Variants in OSBPL5 observed in about 807,000 individuals in gnomAD.
The protein encoded by OSBPL5 is oxysterol binding protein like 5.
OSBPL5 carries 71 observed loss-of-function variants against 111.2 expected under a neutral mutation model. That is an observed-to-expected ratio of 0.64 (90% confidence interval 0.53 to 0.78). The LOEUF (loss-of-function observed/expected upper bound fraction) is 0.78. Among genes scored for constraint, OSBPL5 ranks in the 30% least tolerant of loss-of-function variants. The probability of loss-of-function intolerance (pLI) is 0.00; values close to 1 mark genes in which losing one functional copy is unlikely to be tolerated. For synonymous variants in OSBPL5, 549 were observed against 513.9 expected, an observed-to-expected ratio of 1.07 and a Z score of -0.93; for missense variants, 1,210 against 1,189.3, an observed-to-expected ratio of 1.02 and a Z score of -0.26.
rs1351104317 is a variant in OSBPL5 at position 3,107,516 on chromosome 11, G to A, written c.867-61C>T. On this transcript the variant is annotated intron_variant, in intron 8 of 21. Coordinates refer to ENST00000263650, the MANE Select transcript of OSBPL5 (RefSeq NM_020896.4). The surrounding 1 kb of genome is among the most constrained non-coding windows in gnomAD (Gnocchi z 6.1). Reference sequence around the variant, plus strand: ...AGGTGAGAGCCCAGCACAGCCCTCTGGGCTGCCCACCCCTCGCTGCTCCGC... The same window carrying A: ...AGGTGAGAGCCCAGCACAGCCCTCTAGGCTGCCCACCCCTCGCTGCTCCGC... 10 of 1,575,482 alleles carry A rather than the reference G, an allele frequency of 6.3e-6. No individual in the cohort carries two copies. The African/African-American group carries it at 1.2e-4, about 19-fold the overall frequency.
At chr11:3,112,478 CTTTTTT>C (rs559601032) in intron 7 of OSBPL5, among the ~76,000 whole-genome samples, 1 of 108,776 alleles carries the variant, frequency 9.2e-6, no homozygotes, top group African/African-American at 3.2e-5. Flanking sequence ...GTTTTCTTTT[CTTTTTT>C]TTTTTTTTTT....
chr11:3,095,081 T>C (rs1857208194), intron 14 of OSBPL5, among the ~76,000 whole-genome samples: 1 of 151,930 alleles, frequency 6.6e-6, no homozygotes, highest in Non-Finnish European at 1.5e-5. Flanking sequence ...AACAAAGGCT[T>C]GAAACACCCC....
chr11:3,102,058 G>A (rs1590646721), intron 12 of OSBPL5, 125 bp downstream of exon 12: 1 of 932,580 alleles, frequency 1.1e-6, no homozygotes, highest in East Asian at 2.6e-5. Context: ...TGCAGGATGT[G>A]GGGTCCCCTG....
At position 3,100,178 on chromosome 11, in the gene OSBPL5, A is replaced by G; in HGVS notation, c.1601T>C (p.Met534Thr). The change falls in exon 14 of 22, where the codon ATG becomes ACG. Residue 534 changes from methionine to threonine, a missense_variant. Transcript: ENST00000263650. ...LNRAEDYTLT[M>T]PYAHCKGILY... ...CTCACCTTTGCAGTGGGCGTAGGGC[A>G]TGGTAAGGGTGTAATCCTCGGCTCG... 6.2e-7 allele frequency: 1 copy of G among 1,614,138 alleles called. No individual in the cohort carries two copies. Among genetic ancestry groups the G allele is most frequent in the Non-Finnish European group, 8.5e-7 (1 of 1,180,012 alleles).
At chr11:3,122,478 G>A in intron 3 of OSBPL5, 50 bp from the exon 4 acceptor site, 1 of 1,573,136 alleles carries the variant, frequency 6.4e-7, no homozygotes, top group Non-Finnish European at 8.7e-7. Context: ...GCCGGCCCAG[G>A]GCTAGGAGCC....
chr11:3,122,787 C>A (rs1027154700), intron 3 of OSBPL5, among the ~76,000 whole-genome samples: 1 of 152,160 alleles, frequency 6.6e-6, no homozygotes, highest in Admixed American at 6.5e-5. Flanking sequence ...GAGGGACAGC[C>A]GTCTTTGAGG....
intron 1 of OSBPL5, among the ~76,000 whole-genome samples, chr11:3,143,963 T>C (rs949824706): frequency 5.9e-5 from 9 of 152,164 alleles, no homozygotes; most frequent in African/African-American, 2.2e-4. Flanking sequence ...GGGTGGACAC[T>C]GGGTTTGGGT....
rs1175446252 is a variant in OSBPL5 at position 3,140,560 on chromosome 11, C to T, written c.-21-11391G>A. On this transcript the variant is annotated intron_variant, in intron 1 of 21. Transcript: ENST00000263650. The surrounding 1 kb of genome is among the most constrained non-coding windows in gnomAD (Gnocchi z 4.5). ...GGCCTCCCCCAGCAGAGAGGGGCAC[C>T]GAGGGAAGCCAGGACCCCAGGCAGT... 2.0e-5 allele frequency among the ~76,000 whole-genome samples: 3 copies of T among 152,112 alleles called. No homozygotes were observed. Among genetic ancestry groups the T allele is most frequent in the East Asian group, 3.9e-4 (2 of 5,186 alleles).
chr11:3,115,848 T>C (rs111715576), intron 7 of OSBPL5, among the ~76,000 whole-genome samples: 2,546 of 151,314 alleles, frequency 0.017, 75 homozygotes, highest in African/African-American at 0.057. Context: ...CTAAGTCTCC[T>C]GTCTCAAAGA....
rs757560858 is a variant in OSBPL5, at chr11:3,104,420, G to A, written c.1060-43C>T. On this transcript the variant is annotated intron_variant, in intron 9 of 21. Transcript: ENST00000263650. This position sits in a 1 kb window ranked among gnomAD's most constrained non-coding sequence, Gnocchi z 5.0. ...CAGTCAGGCCCTGCCCGGAAGAGCCGGGAGGAAGGGGTGGCGGGACAGTGG... is the reference window on the plus strand; with the variant it reads ...CAGTCAGGCCCTGCCCGGAAGAGCCAGGAGGAAGGGGTGGCGGGACAGTGG... 2.1e-5 allele frequency: 34 copies of A among 1,588,406 alleles called. No homozygotes were observed. Among genetic ancestry groups the A allele is most frequent in the Admixed American group, 1.6e-4 (9 of 56,736 alleles).
At position 3,147,734 on chromosome 11, in the gene OSBPL5, G is replaced by A. The variant is rs574405025; in HGVS notation, c.-22+17482C>T. On this transcript the variant is annotated intron_variant, in intron 1 of 21. Coordinates refer to ENST00000263650, the MANE Select transcript of OSBPL5 (RefSeq NM_020896.4). ...TGGGAGTGAGCGTGTCCAGGGACGC[G>A]TGGGTGCGTCGGGGCAGGGAAGGCC... 9.8e-5 allele frequency among the ~76,000 whole-genome samples: 15 copies of A among 152,344 alleles called. No individual in the cohort carries two copies. In the South Asian group the frequency reaches 1.7e-3, roughly 17 times the overall value.
At position 3,088,408 on chromosome 11, in the gene OSBPL5, C is replaced by T; in HGVS notation, c.2502-65G>A. On this transcript the variant is annotated intron_variant, in intron 21 of 21. Transcript: ENST00000263650. ...GCCAGCAAGTCCCCCTCCCACAAGCCAGGACAGTGCCCTGGGTACTTGACC... is the reference window on the plus strand; with the variant it reads ...GCCAGCAAGTCCCCCTCCCACAAGCTAGGACAGTGCCCTGGGTACTTGACC... The T allele has an allele frequency of 2.1e-6, 3 of 1,414,086 alleles. No homozygotes were observed. In the South Asian group the frequency reaches 4.7e-5, roughly 22 times the overall value. The allele number at this position is 1,414,086 out of a possible 1,614,324, so 87.6% of individuals were successfully genotyped here.
rs146955849 is a variant in OSBPL5 at position 3,136,596 on chromosome 11, C to T, written c.-21-7427G>A. Among the ~76,000 whole-genome samples the T allele has an allele frequency of 5.3e-3, 806 of 152,380 alleles. 23 individuals are homozygous for T. The highest frequency in any genetic ancestry group is 0.047 in the Admixed American group (724 of 15,308). ...GACTCCAGTGGTTGTGTGGCCTCAG[C>T]TGGCCACCTTCATCTCTCAGGCCCT... is the stretch of plus-strand genomic sequence containing the variant. On this transcript the variant is annotated intron_variant, in intron 1 of 21. Coordinates refer to ENST00000263650, the MANE Select transcript of OSBPL5 (RefSeq NM_020896.4).
At chr11:3,129,241 T>A (rs1564848323) in intron 1 of OSBPL5, 72 bp from the exon 2 acceptor site, 2 of 1,307,654 alleles carry the variant, frequency 1.5e-6, no homozygotes, top group East Asian at 3.1e-5. Context: ...ATGGTGGGGG[T>A]GCCCCTGGCT....
In OSBPL5 at chr11:3,115,293, T is replaced by G. The variant is rs566071033; in HGVS notation, c.691+4254A>C. ...TTGGTTTGCTTAGGAAAAACAGATATTAAAATTTTTTTTAAATCAAGGTTA... is the reference window on the plus strand; with the variant it reads ...TTGGTTTGCTTAGGAAAAACAGATAGTAAAATTTTTTTTAAATCAAGGTTA... On this transcript the variant is annotated intron_variant, in intron 7 of 21. Coordinates refer to ENST00000263650, the MANE Select transcript of OSBPL5 (RefSeq NM_020896.4). Among the ~76,000 whole-genome samples the G allele has an allele frequency of 2.6e-5, 4 of 152,362 alleles. No homozygotes were observed. In the East Asian group the frequency reaches 7.7e-4, roughly 29 times the overall value.
At chr11:3,093,179 C>T in intron 17 of OSBPL5, 127 bp from the exon 18 acceptor site, 1 of 999,076 alleles carries the variant, frequency 1.0e-6, no homozygotes, top group Non-Finnish European at 1.4e-6. Flanking sequence ...CCTACAGTGA[C>T]AGGGAGCTCA....
intron 21 of OSBPL5, 99 bp from the exon 22 acceptor site, chr11:3,088,442 G>A (rs1469944760): frequency 3.1e-6 from 4 of 1,302,326 alleles, no homozygotes; most frequent in East Asian, 6.0e-5. Flanking sequence ...CCAGGTGCTG[G>A]ACACAGGGCC....
In OSBPL5 at chr11:3,092,921, G is replaced by A. The variant is rs1418756849; in HGVS notation, c.2078C>T (p.Pro693Leu). 1.6e-5 allele frequency: 25 copies of A among 1,569,308 alleles called. No individual in the cohort carries two copies. The highest frequency in any genetic ancestry group is 2.1e-5 in the Non-Finnish European group (24 of 1,157,440). ...ERQESLMPWKPQLFHLDPITQ... is the reference protein window; with the variant it reads ...ERQESLMPWKLQLFHLDPITQ... ...GATGGGGTCCAGGTGGAACAGCTGC[G>A]GCTTCCAGGGCATGAGGCTCTCCTG... The change falls in exon 18 of 22, where the codon CCG (proline) becomes CTG (leucine). Residue 693 changes from proline to leucine, a missense_variant. Physicochemically the swap from Pro to Leu is moderately conservative, Grantham distance 98. Coordinates refer to ENST00000263650, the MANE Select transcript of OSBPL5 (RefSeq NM_020896.4). The surrounding 1 kb of genome is among the most constrained non-coding windows in gnomAD (Gnocchi z 5.4).
rs950659965 is a variant in OSBPL5 at position 3,142,922 on chromosome 11, G to T, written c.-21-13753C>A. Among the ~76,000 whole-genome samples, 1 of 150,846 alleles carries T rather than the reference G, an allele frequency of 6.6e-6. No individual in the cohort carries two copies. The highest frequency in any genetic ancestry group is 6.6e-5 in the Admixed American group (1 of 15,120). ...ACAGCGGACGGCACACGGGGTGGGG[G>T]TGTGTGAGCAGAGACCCTTGGGACC... On this transcript the variant is annotated intron_variant, in intron 1 of 21. Transcript: ENST00000263650. The surrounding 1 kb of genome is among the most constrained non-coding windows in gnomAD (Gnocchi z 7.1).
Sources: gnomAD v4.1 joint callset for allele counts (sites outside exome capture counted in the v4.1 genomes callset) on GRCh38, gnomAD v4.1.1 for gene constraint, Gnocchi (gnomAD v3.1) non-coding constraint, MANE v1.5 for transcripts, NCBI Gene and HGNC (gene_info 2026-07-23, HGNC 2026-07-21) for gene names.